Variants in IL1RAPL2 observed in about 807,000 individuals in gnomAD.
IL1RAPL2 encodes X-linked interleukin-1 receptor accessory protein-like 2.
A neutral mutation model predicts 44.1 loss-of-function variants in IL1RAPL2; 3 were observed. The observed-to-expected ratio is 0.07, with a 90% CI of 0.03 to 0.18. The LOEUF (loss-of-function observed/expected upper bound fraction) is 0.18. Among genes scored for constraint, IL1RAPL2 ranks in the 10% least tolerant of loss-of-function variants. IL1RAPL2 has a pLI of 1.00. For synonymous variants in IL1RAPL2, 181 were observed against 178.8 expected (o/e 1.01, Z -0.10); for missense variants, 391 against 496.4 (o/e 0.79, Z 2.02).
intron 2 of IL1RAPL2, among the ~76,000 whole-genome samples, chrX:104,980,706 C>A (rs1387213477): frequency 1.8e-5 from 2 of 112,254 alleles, no homozygotes; most frequent in African/African-American, 6.5e-5. Context: ...GTTTTGGTTA[C>A]AAAACAAACT....
At chrX:104,793,374 C>G (rs1478508799) in intron 2 of IL1RAPL2, among the ~76,000 whole-genome samples, 1 of 111,301 alleles carries the variant, frequency 9.0e-6, no homozygotes, top group Non-Finnish European at 1.9e-5. Flanking sequence ...TAGCATGGGA[C>G]CTGGAACACC....
At chrX:104,874,203 A>C (rs148808025) in intron 2 of IL1RAPL2, among the ~76,000 whole-genome samples, 1 of 109,250 alleles carries the variant, frequency 9.2e-6, no homozygotes, top group African/African-American at 3.3e-5. Flanking sequence ...TCTAAATCAA[A>C]GTTCTTTCCC....
intron 2 of IL1RAPL2, among the ~76,000 whole-genome samples, chrX:105,037,447 A>G (rs892167120): frequency 2.7e-5 from 3 of 111,363 alleles, no homozygotes; most frequent in Non-Finnish European, 5.7e-5. Flanking sequence ...TGGATACAAG[A>G]GAATGAGGGA....
chrX:105,362,557 A>G (rs1413203000), intron 5 of IL1RAPL2, among the ~76,000 whole-genome samples: 1 of 110,835 alleles, frequency 9.0e-6, no homozygotes, highest in African/African-American at 3.3e-5. Flanking sequence ...ATCCTCAACA[A>G]TAAAGGACCC....
intron 6 of IL1RAPL2, among the ~76,000 whole-genome samples, chrX:105,531,116 A>G (rs1229074328): frequency 1.8e-5 from 2 of 111,681 alleles, no homozygotes; most frequent in Admixed American, 1.9e-4. Context: ...TTGCTGGATC[A>G]TATGGTAGCT....
intron 5 of IL1RAPL2, chrX:105,406,265 C>A: frequency 9.3e-7 from 1 of 1,070,370 alleles, no homozygotes; most frequent in Non-Finnish European, 1.3e-6. Context: ...GGGAAATAAG[C>A]AATATCATAG....
At chrX:104,802,774 GC>G (rs1265219821) in intron 2 of IL1RAPL2, among the ~76,000 whole-genome samples, 1 of 111,481 alleles carries the variant, frequency 9.0e-6, no homozygotes, top group Non-Finnish European at 1.9e-5. Flanking sequence ...TATTAAAGCA[GC>G]TAGGCAAAAG....
At position 104,898,177 on chromosome X, in the gene IL1RAPL2, T is replaced by C. The variant is rs761161514; in HGVS notation, c.82+239182T>C. 2.7e-5 allele frequency among the ~76,000 whole-genome samples: 3 copies of C among 112,194 alleles called. No homozygotes were observed. The South Asian group carries it at 1.1e-3, about 41-fold the overall frequency. ...CATGGAAACTGGGTTAGGTAGTGAATCTCACTTGATGTGCACTTCTGTGCC... is the reference window on the plus strand; with the variant it reads ...CATGGAAACTGGGTTAGGTAGTGAACCTCACTTGATGTGCACTTCTGTGCC... On this transcript the variant is annotated intron_variant, in intron 2 of 10. Transcript: ENST00000372582.
chrX:104,585,140 T>C (rs866067587), intron 1 of IL1RAPL2, among the ~76,000 whole-genome samples: 6 of 50,849 alleles, frequency 1.2e-4, no homozygotes, highest in Middle Eastern at 8.8e-3. Context: ...AAGACATATA[T>C]ACACACACAC....
intron 5 of IL1RAPL2, among the ~76,000 whole-genome samples, chrX:105,413,006 A>G (rs760461155): frequency 1.8e-5 from 2 of 111,557 alleles, no homozygotes; most frequent in Non-Finnish European, 3.8e-5. Context: ...TTTTCTATCT[A>G]TATCTCTACA....
At chrX:105,191,569 C>A (rs1341539706) in intron 2 of IL1RAPL2, among the ~76,000 whole-genome samples, 1 of 111,673 alleles carries the variant, frequency 9.0e-6, no homozygotes, top group Non-Finnish European at 1.9e-5. Context: ...ACTTTTTGAG[C>A]CTTATAGAAA....
At chrX:105,329,989 C>T (rs2034973537) in intron 5 of IL1RAPL2, among the ~76,000 whole-genome samples, 4 of 110,913 alleles carry the variant, frequency 3.6e-5, no homozygotes, top group African/African-American at 1.3e-4. Context: ...TAGCACCTGT[C>T]CAGAGTGTTG....
At chrX:105,031,965 G>A (rs184241017) in intron 2 of IL1RAPL2, among the ~76,000 whole-genome samples, 36 of 111,565 alleles carry the variant, frequency 3.2e-4, no homozygotes, top group African/African-American at 1.0e-3. Context: ...GAGGGTGTAT[G>A]TGTCGAGGAA....
At chrX:104,913,201 G>T (rs1483807337) in intron 2 of IL1RAPL2, among the ~76,000 whole-genome samples, 1 of 111,121 alleles carries the variant, frequency 9.0e-6, no homozygotes, top group East Asian at 2.8e-4. Flanking sequence ...TTGTATGCAG[G>T]CTGTTACCAT....
At chrX:105,394,375 A>G (rs1224734448) in intron 5 of IL1RAPL2, among the ~76,000 whole-genome samples, 1 of 111,697 alleles carries the variant, frequency 9.0e-6, no homozygotes, top group African/African-American at 3.3e-5. Flanking sequence ...TATTCATTCA[A>G]TCATTTACCA....
At chrX:105,637,663 C>T (rs1443723018) in intron 6 of IL1RAPL2, among the ~76,000 whole-genome samples, 2 of 109,921 alleles carry the variant, frequency 1.8e-5, no homozygotes, top group African/African-American at 3.3e-5. Context: ...GAACTAATTG[C>T]CTTTTAAATT....
intron 2 of IL1RAPL2, among the ~76,000 whole-genome samples, chrX:104,800,928 G>C (rs1932881365): frequency 8.9e-6 from 1 of 112,611 alleles, no homozygotes; most frequent in Admixed American, 9.4e-5. Flanking sequence ...ATATTAGTCA[G>C]GGAAGAGCAG....
At chrX:105,311,641 CATAT>C (rs111798589) in intron 5 of IL1RAPL2, among the ~76,000 whole-genome samples, 7,975 of 101,401 alleles carry the variant, frequency 0.079, 394 homozygotes, top group African/African-American at 0.18. Context: ...CACACACACA[CATAT>C]ATATATATAT....
chrX:105,160,928 T>C (rs959277548), intron 2 of IL1RAPL2, among the ~76,000 whole-genome samples: 8 of 111,757 alleles, frequency 7.2e-5, no homozygotes, highest in Non-Finnish European at 1.3e-4. Context: ...TCTAGATAGG[T>C]AGACAGTGTT....
Sources: allele counts gnomAD v4.1 joint callset (sites outside exome capture counted in the v4.1 genomes callset), GRCh38; gene constraint gnomAD v4.1.1; transcripts MANE v1.5; gene names NCBI Gene and HGNC (gene_info 2026-07-23, HGNC 2026-07-21).